SLC24A2: variants seen among roughly 807,000 people sequenced by gnomAD.
SLC24A2 encodes the protein sodium/potassium/calcium exchanger 2.
In SLC24A2, 36 loss-of-function variants were observed where a neutral mutation model predicts 62.0. The observed-to-expected ratio is 0.58, with a 90% CI of 0.44 to 0.77. The LOEUF (loss-of-function observed/expected upper bound fraction) is 0.77. Among genes scored for constraint, SLC24A2 ranks in the 30% least tolerant of loss-of-function variants. The pLI, the probability that SLC24A2 is intolerant of heterozygous loss-of-function variation, is 0.00. For synonymous variants in SLC24A2, 358 were observed against 294.0 expected, an observed-to-expected ratio of 1.22 and a Z score of -2.23; for missense variants, 846 against 817.9, an observed-to-expected ratio of 1.03 and a Z score of -0.42.
intron 2 of SLC24A2, among the ~76,000 whole-genome samples, chr9:19,777,256 C>A (rs998325244): frequency 2.6e-5 from 4 of 152,256 alleles, no homozygotes; most frequent in Middle Eastern, 6.8e-3. Flanking sequence ...ACATATGTTT[C>A]AAAGCCCAGA....
At chr9:20,034,271 A>T in the SLC24A2 span, among the ~76,000 whole-genome samples, 2 of 152,236 alleles carry the variant, frequency 1.3e-5, no homozygotes, top group South Asian at 4.1e-4. Context: ...GTTGATGTAA[A>T]AGCATAAGAT....
At chr9:19,836,433 G>A in the SLC24A2 span, among the ~76,000 whole-genome samples, 2 of 152,156 alleles carry the variant, frequency 1.3e-5, no homozygotes, top group Non-Finnish European at 2.9e-5. Flanking sequence ...AAGACCATCA[G>A]AGAATACTAC....
At chr9:19,688,851 A>G (rs1161921470) in intron 2 of SLC24A2, among the ~76,000 whole-genome samples, 1 of 152,128 alleles carries the variant, frequency 6.6e-6, no homozygotes, top group Non-Finnish European at 1.5e-5. Context: ...AAATTCTTTT[A>G]GTCTGTTACT....
At chr9:20,102,663 G>A in the SLC24A2 span, among the ~76,000 whole-genome samples, 4 of 148,342 alleles carry the variant, frequency 2.7e-5, no homozygotes, top group South Asian at 2.1e-4. Flanking sequence ...AAAATGCACT[G>A]CAAAAAAAAA....
chr9:20,210,893 A>G, the SLC24A2 span, among the ~76,000 whole-genome samples: 1 of 151,930 alleles, frequency 6.6e-6, no homozygotes, highest in South Asian at 2.1e-4. Context: ...ACATGTGATT[A>G]TCATCACAAT....
chr9:19,888,813 C>A, the SLC24A2 span, among the ~76,000 whole-genome samples: 1 of 152,154 alleles, frequency 6.6e-6, no homozygotes, highest in Non-Finnish European at 1.5e-5. Flanking sequence ...GCCAAATGCC[C>A]TTTCACATGA....
At chr9:19,527,296 T>C (rs894416145) in intron 9 of SLC24A2, among the ~76,000 whole-genome samples, 4 of 152,184 alleles carry the variant, frequency 2.6e-5, no homozygotes, top group African/African-American at 7.2e-5. Context: ...CAGTTCTACC[T>C]ATGTGATTTT....
the SLC24A2 span, among the ~76,000 whole-genome samples, chr9:19,946,852 CAGAA>C: frequency 6.6e-6 from 1 of 152,178 alleles, no homozygotes; most frequent in African/African-American, 2.4e-5. Context: ...AGAGAATTCT[CAGAA>C]AGAGCTGTTT....
At chr9:20,243,119 C>A in the SLC24A2 span, among the ~76,000 whole-genome samples, 1 of 152,154 alleles carries the variant, frequency 6.6e-6, no homozygotes, top group Admixed American at 6.5e-5. Flanking sequence ...GGACTCCACA[C>A]CCACCCCCCA....
the SLC24A2 span, among the ~76,000 whole-genome samples, chr9:19,836,926 A>T: frequency 1.3e-5 from 2 of 152,266 alleles, no homozygotes; most frequent in African/African-American, 4.8e-5. Flanking sequence ...GGTTCAACAT[A>T]TGAAAATCAA....
chr9:19,564,933 C>A (rs1835587197), intron 7 of SLC24A2, among the ~76,000 whole-genome samples: 1 of 151,922 alleles, frequency 6.6e-6, no homozygotes, highest in Non-Finnish European at 1.5e-5. Flanking sequence ...TCTAGATTGG[C>A]AAAATTGAAA....
chr9:19,762,759 T>C (rs1822376807), intron 2 of SLC24A2, among the ~76,000 whole-genome samples: 2 of 151,932 alleles, frequency 1.3e-5, no homozygotes, highest in Admixed American at 6.6e-5. Context: ...TCCAGCTTTG[T>C]TCTTTTTGCT....
chr9:20,159,956 A>G, the SLC24A2 span, among the ~76,000 whole-genome samples: 5 of 151,726 alleles, frequency 3.3e-5, no homozygotes, highest in South Asian at 2.1e-4. Context: ...ATCAGTAATA[A>G]TAAGTGTGGA....
At chr9:20,190,513 T>C in the SLC24A2 span, among the ~76,000 whole-genome samples, 1 of 152,302 alleles carries the variant, frequency 6.6e-6, no homozygotes, top group South Asian at 2.1e-4. Context: ...ATATACATCA[T>C]ATATTGTGCT....
the SLC24A2 span, among the ~76,000 whole-genome samples, chr9:19,828,266 G>T: frequency 6.6e-6 from 1 of 151,902 alleles, no homozygotes; most frequent in Non-Finnish European, 1.5e-5. Context: ...TTTATTTTAA[G>T]ATAACTAAAA....
the SLC24A2 span, among the ~76,000 whole-genome samples, chr9:19,974,572 G>T: frequency 6.6e-6 from 1 of 152,116 alleles, no homozygotes; most frequent in Admixed American, 6.6e-5. Context: ...ACATCCTAGG[G>T]GGTCTGAAGA....
chr9:19,729,977 C>G (rs1320302477), intron 2 of SLC24A2, among the ~76,000 whole-genome samples: 3 of 151,922 alleles, frequency 2.0e-5, no homozygotes, highest in African/African-American at 7.3e-5. Context: ...TCACTAGGTA[C>G]CCTATGAATA....
intron 2 of SLC24A2, among the ~76,000 whole-genome samples, chr9:19,780,739 G>A (rs1822990908): frequency 6.6e-6 from 1 of 151,720 alleles, no homozygotes; most frequent in Admixed American, 6.5e-5. Flanking sequence ...CGGGCGCGGT[G>A]GCAGGCACCT....
chr9:20,259,396 CT>C, the SLC24A2 span, among the ~76,000 whole-genome samples: 1 of 152,068 alleles, frequency 6.6e-6, no homozygotes, highest in Admixed American at 6.6e-5. Flanking sequence ...AGAGAAAATT[CT>C]TTTTAATCAT....
Sources: allele counts gnomAD v4.1 joint callset (sites outside exome capture counted in the v4.1 genomes callset), GRCh38; gene constraint gnomAD v4.1.1; transcripts MANE v1.5; gene names NCBI Gene and HGNC (gene_info 2026-07-23, HGNC 2026-07-21).